Variants in GALNT17 observed in about 807,000 individuals in gnomAD.
GALNT17 encodes UDP-GalNAc:polypeptide N-acetylgalactosaminyltransferase-like 3.
In GALNT17, 29 loss-of-function variants were observed where a neutral mutation model predicts 63.7. The ratio of observed to expected loss-of-function variants is 0.46; its 90% CI spans 0.34 to 0.62. GALNT17 has a LOEUF of 0.62. Among genes scored for constraint, GALNT17 ranks in the 20% least tolerant of loss-of-function variants. The pLI is 0.01. For missense variants in GALNT17, 603 were observed against 799.6 expected (o/e 0.75, Z 2.97); for synonymous variants, 305 against 318.3 (o/e 0.96, Z 0.45).
At chr7:71,269,048 G>T (rs945578686) in intron 1 of GALNT17, among the ~76,000 whole-genome samples, 42 of 152,280 alleles carry the variant, frequency 2.8e-4, no homozygotes, top group African/African-American at 9.9e-4. Context: ...TGCCATATCA[G>T]GGATCCCTGT....
At chr7:71,651,463 C>G (rs1790754077) in intron 6 of GALNT17, among the ~76,000 whole-genome samples, 1 of 152,018 alleles carries the variant, frequency 6.6e-6, no homozygotes, top group South Asian at 2.1e-4. Flanking sequence ...CCACCACACC[C>G]AGCTAATTTT....
intron 8 of GALNT17, among the ~76,000 whole-genome samples, chr7:71,675,508 A>T (rs1791136667): frequency 6.6e-6 from 1 of 152,112 alleles, no homozygotes. Context: ...CTATAATCCC[A>T]GCAGTTTGGG....
Position 71,642,209 on chromosome 7 carries a change from C to T in GALNT17, c.1081-23202C>T, listed in dbSNP as rs535098317. ...ATTTTCCCAAAGAATCCTTCCCTTACAGCAGGCCAGAAAGCTATTGTCCTA... is the reference window on the plus strand; with the variant it reads ...ATTTTCCCAAAGAATCCTTCCCTTATAGCAGGCCAGAAAGCTATTGTCCTA... On this transcript the variant is annotated intron_variant, in intron 6 of 10. Transcript: ENST00000333538. 3.9e-5 allele frequency among the ~76,000 whole-genome samples: 6 copies of T among 152,288 alleles called. No individual in the cohort carries two copies. In the South Asian group the frequency reaches 1.2e-3, roughly 32 times the overall value.
intron 1 of GALNT17, among the ~76,000 whole-genome samples, chr7:71,242,559 C>T (rs1019984786): frequency 3.3e-5 from 5 of 152,184 alleles, no homozygotes; most frequent in Middle Eastern, 3.4e-3. Context: ...TGAGCCACCG[C>T]GCCTGGTCAG....
At chr7:71,582,204 CAT>C (rs1263063343) in intron 6 of GALNT17, among the ~76,000 whole-genome samples, 5 of 152,122 alleles carry the variant, frequency 3.3e-5, no homozygotes, top group East Asian at 1.9e-4. Context: ...CTTGCACACA[CAT>C]GTTTGTAGCA....
Position 71,242,885 on chromosome 7 carries a change from T to C in GALNT17, c.239-92665T>C, listed in dbSNP as rs1219650272. ...TGGGCCTACTATAGAAGACACTCAATGTTCATTGCAGGTGTACTTTACCTT... is the reference window on the plus strand; with the variant it reads ...TGGGCCTACTATAGAAGACACTCAACGTTCATTGCAGGTGTACTTTACCTT... On this transcript the variant is annotated intron_variant, in intron 1 of 10. Transcript: ENST00000333538. 2.6e-5 allele frequency among the ~76,000 whole-genome samples: 4 copies of C among 152,344 alleles called. No individual in the cohort carries two copies. The East Asian group carries it at 7.7e-4, about 29-fold the overall frequency.
rs529119424 is a variant in GALNT17 at position 71,437,324 on chromosome 7, A to G, written c.962+16219A>G. On this transcript the variant is annotated intron_variant, in intron 5 of 10. Coordinates refer to ENST00000333538, the MANE Select transcript of GALNT17 (RefSeq NM_022479.3). ...AGCCTTCCAAGATTTGCTTTTTTCT[A>G]TTCCTGTGATTTTACAATTTCTCCC... 3.9e-5 allele frequency among the ~76,000 whole-genome samples: 6 copies of G among 152,276 alleles called. No homozygotes were observed. The East Asian group carries it at 9.7e-4, about 25-fold the overall frequency.
At chr7:71,262,285 AT>A (rs1003695224) in intron 1 of GALNT17, among the ~76,000 whole-genome samples, 2 of 151,142 alleles carry the variant, frequency 1.3e-5, no homozygotes, top group Non-Finnish European at 3.0e-5. Context: ...CTGATTTTTA[AT>A]TTTTTTTCTT....
In GALNT17 at chr7:71,143,532, G is replaced by GT. The variant is rs200920549; in HGVS notation, c.238+10493dup. Among the ~76,000 whole-genome samples, 304 of 152,266 alleles carry GT rather than the reference G, an allele frequency of 2.0e-3. 9 individuals are homozygous for GT. In the East Asian group the frequency reaches 0.049, roughly 24 times the overall value. On this transcript the variant is annotated intron_variant, in intron 1 of 10. Transcript: ENST00000333538. ...TGAGCAGAAGAGTGTGTGGGGACATGTAAGTGAGGAGGTGTGGGAGCTCCT... is the reference window on the plus strand; with the variant it reads ...TGAGCAGAAGAGTGTGTGGGGACATGTTAAGTGAGGAGGTGTGGGAGCTCCT...
chr7:71,200,117 C>A (rs1175800818), intron 1 of GALNT17, among the ~76,000 whole-genome samples: 2 of 152,084 alleles, frequency 1.3e-5, no homozygotes, highest in African/African-American at 2.4e-5. Flanking sequence ...AAATCAATTC[C>A]TTCCAAGGAA....
intron 2 of GALNT17, among the ~76,000 whole-genome samples, chr7:71,387,553 T>A (rs2116339701): frequency 6.6e-6 from 1 of 152,210 alleles, no homozygotes; most frequent in East Asian, 1.9e-4. Context: ...CTTAAACTCC[T>A]GGCCTCAAGC....
At chr7:71,311,300 T>C (rs1791410132) in intron 1 of GALNT17, among the ~76,000 whole-genome samples, 1 of 152,182 alleles carries the variant, frequency 6.6e-6, no homozygotes, top group African/African-American at 2.4e-5. Flanking sequence ...AGGAATAGCA[T>C]GCTCTAGGTT....
At chr7:71,410,906 A>G (rs1793418516) in intron 3 of GALNT17, among the ~76,000 whole-genome samples, 1 of 152,190 alleles carries the variant, frequency 6.6e-6, no homozygotes, top group East Asian at 1.9e-4. Flanking sequence ...ATGGTTCCCA[A>G]ATGGCACTTG....
chr7:71,442,191 G>T (rs1787079203), intron 5 of GALNT17, among the ~76,000 whole-genome samples: 1 of 151,148 alleles, frequency 6.6e-6, no homozygotes, highest in African/African-American at 2.4e-5. Context: ...CTGCAGAAGT[G>T]TTTTTTTTGT....
intron 5 of GALNT17, among the ~76,000 whole-genome samples, chr7:71,446,251 CTTTT>C (rs914215060): frequency 2.6e-5 from 4 of 152,168 alleles, no homozygotes; most frequent in African/African-American, 9.6e-5. Context: ...TGTAAAAATA[CTTTT>C]TTTATTATGT....
At chr7:71,397,254 A>G (rs1793154376) in intron 3 of GALNT17, among the ~76,000 whole-genome samples, 1 of 152,184 alleles carries the variant, frequency 6.6e-6, no homozygotes. Flanking sequence ...CGGCTAAGTC[A>G]TGAGTGAGCT....
At chr7:71,425,726 T>C (rs1443349704) in intron 5 of GALNT17, among the ~76,000 whole-genome samples, 1 of 152,178 alleles carries the variant, frequency 6.6e-6, no homozygotes. Flanking sequence ...ATAGCTTTCA[T>C]TTATGCAACT....
intron 1 of GALNT17, among the ~76,000 whole-genome samples, chr7:71,302,085 A>G (rs1583843506): frequency 6.6e-6 from 1 of 152,262 alleles, no homozygotes; most frequent in Admixed American, 6.5e-5. Context: ...TCCTCACCAT[A>G]CTAATGCAGG....
chr7:71,278,192 C>A (rs1409355416), intron 1 of GALNT17, among the ~76,000 whole-genome samples: 1 of 152,144 alleles, frequency 6.6e-6, no homozygotes, highest in African/African-American at 2.4e-5. Context: ...ATGAATAGGT[C>A]CTTTTGTTAG....
Sources: gnomAD v4.1 joint callset for allele counts (sites outside exome capture counted in the v4.1 genomes callset) on GRCh38, gnomAD v4.1.1 for gene constraint, MANE v1.5 for transcripts, NCBI Gene and HGNC (gene_info 2026-07-23, HGNC 2026-07-21) for gene names.